Variants in MACF1 observed in about 807,000 individuals in gnomAD.
MACF1 encodes microtubule actin crosslinking factor 1, also known as microtubule-actin cross-linking factor 1.
A neutral mutation model predicts 854.8 loss-of-function variants in MACF1; 193 were observed. The observed-to-expected ratio is 0.23, with a 90% confidence interval of 0.20 to 0.25. The LOEUF is 0.25. MACF1 is among the 10% of genes least tolerant of loss of function. The pLI, the probability that MACF1 is intolerant of heterozygous loss-of-function variation, is 1.00. For missense variants in MACF1, 7,722 were observed against 8,929.1 expected (o/e 0.86, Z 5.45); for synonymous variants, 3,185 against 3,226.7 (o/e 0.99, Z 0.44).
At chr1:39,100,974 T>G (rs1215921697) in intron 2 of MACF1, among the ~76,000 whole-genome samples, 1 of 152,190 alleles carries the variant, frequency 6.6e-6, no homozygotes, top group Non-Finnish European at 1.5e-5. Context: ...TTACCCAGGC[T>G]GGTCTTGAAC....
In MACF1 at chr1:39,379,268, C is replaced by G. The variant is rs771447128; in HGVS notation, c.13342C>G (p.Leu4448Val). The change falls in exon 54 of 101, where the codon CTT becomes GTT. Residue 4448 changes from leucine to valine, a missense_variant. This residue lies in a region of MACF1 where 2,807 missense variants were observed against 3,235.8 expected (regional missense o/e 0.87). Transcript: ENST00000564288. The stretch of plus-strand genomic sequence containing the variant: ...GAAGTATGAGAAACTAGGGGGAGTA[C>G]TTCATGAACGCCAGGAAAGCCTTCA... ...NLKYEKLGGV[L>V]HERQESLQAI... 1.2e-6 allele frequency: 2 copies of G among 1,613,012 alleles called. No homozygotes were observed. The highest frequency in any genetic ancestry group is 1.7e-6 in the Non-Finnish European group (2 of 1,179,656).
At chr1:39,227,454 A>G (rs1644729458) in intron 1 of MACF1, among the ~76,000 whole-genome samples, 1 of 152,068 alleles carries the variant, frequency 6.6e-6, no homozygotes, top group African/African-American at 2.4e-5. Flanking sequence ...ATATAAGAAT[A>G]AGCATATTAA....
At chr1:39,353,822 A>G (rs951310115) in intron 44 of MACF1, among the ~76,000 whole-genome samples, 3 of 152,080 alleles carry the variant, frequency 2.0e-5, no homozygotes, top group South Asian at 2.1e-4. Flanking sequence ...TCAGTCATCA[A>G]ATCTTATGGT....
chr1:39,413,025 T>G, intron 58 of MACF1: 1 of 1,582,426 alleles, frequency 6.3e-7, no homozygotes, highest in Non-Finnish European at 8.6e-7. Context: ...CTGAAGGGAC[T>G]GCTGCAGTTG....
At chr1:39,255,936 G>A (rs960214649) in intron 5 of MACF1, among the ~76,000 whole-genome samples, 5 of 152,144 alleles carry the variant, frequency 3.3e-5, no homozygotes, top group Admixed American at 6.5e-5. Context: ...GAATGAAAAC[G>A]TGGACAGGTA....
At position 39,308,657 on chromosome 1, in the gene MACF1, CT is replaced by C. The variant is rs1206531148; in HGVS notation, c.2790-901del. ...CTCAAACCCTTCATACTTCAGTTTT[CT>C]TTTTTTTTTTTCTTGAAATGGAGTT... On this transcript the variant is annotated intron_variant, in intron 23 of 100. Coordinates refer to ENST00000564288, the MANE Select transcript of MACF1 (RefSeq NM_001394062.1). Among the ~76,000 whole-genome samples, 130 of 145,304 alleles carry C rather than the reference CT, an allele frequency of 8.9e-4. 1 individual carries two copies. The highest frequency in any genetic ancestry group is 7.1e-3 in the Middle Eastern group (2 of 282).
intron 58 of MACF1, chr1:39,411,856 T>G (rs1172460525): frequency 1.9e-6 from 3 of 1,613,942 alleles, no homozygotes; most frequent in South Asian, 1.1e-5. Flanking sequence ...GGCAAAAGAT[T>G]ATGATACTAG....
At position 39,282,227 on chromosome 1, in the gene MACF1, G is replaced by A. The variant is rs776797442; in HGVS notation, c.548G>A (p.Ser183Asn). 2 of 1,613,840 alleles carry A rather than the reference G, an allele frequency of 1.2e-6. No homozygotes were observed. Among genetic ancestry groups the A allele is most frequent in the Non-Finnish European group, 1.7e-6 (2 of 1,179,910 alleles). The change falls in exon 7 of 101, where the codon AGT (serine) becomes AAT (asparagine). Residue 183 changes from serine (S) to asparagine (N), a missense_variant. This residue lies in a region of MACF1 where 108 missense variants were observed against 196.4 expected (regional missense o/e 0.55). Coordinates refer to ENST00000564288, the MANE Select transcript of MACF1 (RefSeq NM_001394062.1). ...LHFQISDIYI[S>N]GESGDMSAKE... ...TGGCAGATCTCTGACATCTACATTA[G>A]TGGAGAATCAGGGGATATGTCAGCC...
At chr1:39,157,514 T>G (rs1571112839) in intron 2 of MACF1, among the ~76,000 whole-genome samples, 1 of 152,182 alleles carries the variant, frequency 6.6e-6, no homozygotes, top group Admixed American at 6.5e-5. Context: ...GTGTGGTGGG[T>G]GTATCTCCCA....
At chr1:39,324,047 T>C in intron 33 of MACF1, 146 bp from the exon 34 acceptor site, 5 of 785,206 alleles carry the variant, frequency 6.4e-6, no homozygotes, top group Non-Finnish European at 9.9e-6. Context: ...TAGGCTGGGC[T>C]AAATTATACT....
Position 39,334,070 on chromosome 1 carries a change from C to T in MACF1, c.7482C>T (p.Ala2494=), listed in dbSNP as rs764664356. The change falls in exon 37 of 101, where the codon GCC becomes GCT. Residue 2494 remains alanine (A), a synonymous_variant. Coordinates refer to ENST00000564288, the MANE Select transcript of MACF1 (RefSeq NM_001394062.1). ...IDRGLLEREE[A]VRLLTKQVVD... The stretch of plus-strand genomic sequence containing the variant: ...GAGGTCTTTTGGAGAGAGAGGAGGC[C>T]GTTCGTTTGTTGACTAAGCAAGTGG... The T allele has an allele frequency of 5.1e-5, 83 of 1,613,912 alleles. No homozygotes were observed. The highest frequency in any genetic ancestry group is 6.4e-5 in the Non-Finnish European group (75 of 1,180,016).
At chr1:39,281,763 T>C (rs1251738058) in intron 6 of MACF1, among the ~76,000 whole-genome samples, 1 of 152,258 alleles carries the variant, frequency 6.6e-6, no homozygotes, top group Non-Finnish European at 1.5e-5. Context: ...TTAAGCTTTT[T>C]ATAACTTTTT....
rs1250062910 is a variant in MACF1, at chr1:39,317,382, C to T, written c.3757C>T (p.Arg1253Ter). 6.2e-7 allele frequency: 1 copy of T among 1,612,896 alleles called. No homozygotes were observed. ...KGSQLQERWH[R>*]VIAQLEIRQS... ...CTCCCAGCTGCAGGAGCGTTGGCAC[C>T]GAGTCATTGCCCAGCTCGAGATTCG... The change falls in exon 29 of 101, where the codon CGA becomes TGA. Residue 1253 changes from arginine to a stop codon, truncating the protein, a stop_gained. Coordinates refer to ENST00000564288, the MANE Select transcript of MACF1 (RefSeq NM_001394062.1). LOFTEE classifies it high-confidence loss of function.
At chr1:39,443,613 T>C in intron 79 of MACF1, 39 bp downstream of exon 79, 1 of 1,566,250 alleles carries the variant, frequency 6.4e-7, no homozygotes, top group Non-Finnish European at 8.6e-7. Context: ...AAGCATCCCA[T>C]ATTCACTAGC....
intron 34 of MACF1, 141 bp downstream of exon 34, chr1:39,324,486 T>C: frequency 8.7e-7 from 1 of 1,152,990 alleles, no homozygotes; most frequent in East Asian, 2.6e-5. Context: ...AGAAGCCATC[T>C]TGTTTGTTCT....
At chr1:39,408,576 G>T (rs920214197) in intron 58 of MACF1, among the ~76,000 whole-genome samples, 3 of 152,152 alleles carry the variant, frequency 2.0e-5, no homozygotes, top group South Asian at 4.1e-4. Context: ...GGGAGCGCGG[G>T]CGCCCTTTCT....
rs1241157620 is a variant in MACF1, at chr1:39,388,038, G to A, written c.15196G>A (p.Val5066Ile). The A allele has an allele frequency of 1.1e-5, 17 of 1,613,990 alleles. No individual in the cohort carries two copies. Among genetic ancestry groups the A allele is most frequent in the Non-Finnish European group, 1.4e-5 (16 of 1,180,012 alleles). ...QEVLQALEPQ[V>I]DYLRNFTQGL... ...AGTGCTGCAGGCCCTAGAGCCTCAG[G>A]TAGACTATCTGAGGAACTTTACTCA... Residue 5066 changes from valine (V) to isoleucine (I), a missense_variant, in exon 58 of 101, where the codon GTA (valine) becomes ATA (isoleucine). Physicochemically the swap from Val to Ile is conservative, Grantham distance 29. Around this residue, in one of 15 missense-constraint regions of MACF1, gnomAD observed 2,807 missense variants for 3,235.8 expected, o/e 0.87. Coordinates refer to ENST00000564288, the MANE Select transcript of MACF1 (RefSeq NM_001394062.1).
At chr1:39,102,671 A>G (rs1011706134) in intron 2 of MACF1, 16 of 675,050 alleles carry the variant, frequency 2.4e-5, no homozygotes, top group Non-Finnish European at 4.0e-5. Flanking sequence ...AAAGGGCATT[A>G]ATTTCCTTGT....
chr1:39,412,591 G>A (rs1643066521), intron 58 of MACF1: 1 of 1,614,012 alleles, frequency 6.2e-7, no homozygotes, highest in Non-Finnish European at 8.5e-7. Flanking sequence ...TAATCCAGAT[G>A]GAGTGGAAAC....
Sources: gnomAD v4.1 joint callset for allele counts (sites outside exome capture counted in the v4.1 genomes callset) on GRCh38, gnomAD v4.1.1 for gene constraint, gnomAD v4.1.1 regional missense constraint, MANE v1.5 for transcripts, NCBI Gene and HGNC (gene_info 2026-07-23, HGNC 2026-07-21) for gene names.